EHD4: variants seen among roughly 807,000 people sequenced by gnomAD.
EHD4 encodes the protein EH domain-containing protein 4.
EHD4 carries 37 observed loss-of-function variants against 51.0 expected under a neutral mutation model. The ratio of observed to expected loss-of-function variants is 0.73; its 90% CI spans 0.56 to 0.95. The LOEUF (loss-of-function observed/expected upper bound fraction) is 0.95, where lower values mean the gene tolerates loss of function less well. Ranked by LOEUF, EHD4 falls within the 40% of genes least tolerant of loss-of-function variation. EHD4 has a pLI of 0.00. For missense variants in EHD4, 632 were observed against 733.1 expected (o/e 0.86, Z 1.59); for synonymous variants, 297 against 317.3 (o/e 0.94, Z 0.68).
intron 2 of EHD4, among the ~76,000 whole-genome samples, chr15:41,952,573 C>T (rs1191022459): frequency 1.3e-5 from 2 of 152,120 alleles, no homozygotes; most frequent in Admixed American, 6.5e-5. Flanking sequence ...CCTGTCTTCC[C>T]CAGGCCAGCA....
At chr15:41,966,623 G>T (rs373061566) in intron 1 of EHD4, among the ~76,000 whole-genome samples, 72 of 152,038 alleles carry the variant, frequency 4.7e-4, no homozygotes, top group African/African-American at 1.6e-3. Flanking sequence ...GGAGGTGGCC[G>T]CCTGCCCACC....
intron 1 of EHD4, among the ~76,000 whole-genome samples, 192 bp from the exon 2 acceptor site, chr15:41,954,132 G>C (rs77469137): frequency 0.026 from 3,884 of 152,286 alleles, 96 homozygotes; most frequent in South Asian, 0.078. Flanking sequence ...AGTGTACCGT[G>C]CTGGCTCCTG....
At chr15:41,928,279 A>G (rs1384639630) in intron 3 of EHD4, 1 of 152,240 alleles carries the variant, frequency 6.6e-6, no homozygotes, top group Admixed American at 6.5e-5. Context: ...TGTGAGCTCC[A>G]TATCACTACA....
At chr15:41,962,014 AT>A (rs1209195760) in intron 1 of EHD4, among the ~76,000 whole-genome samples, 3 of 152,226 alleles carry the variant, frequency 2.0e-5, no homozygotes, top group East Asian at 3.9e-4. Context: ...GCCAAAAAAA[AT>A]AAGAGAAATA....
intron 5 of EHD4, among the ~76,000 whole-genome samples, chr15:41,907,870 G>GTGTGTGTGTA (rs1271170037): frequency 4.6e-5 from 5 of 107,694 alleles, no homozygotes; most frequent in Non-Finnish European, 9.9e-5. Context: ...GTGTGTGTGT[G>GTGTGTGTGTA]TATATATTTA....
chr15:41,901,093 A>T lies in EHD4; in HGVS notation c.1178T>A (p.Ile393Asn). ...EAVDNMLSNK[I>N]SPLMNLISQE... ...GCTGATGAGGTTCATGAGGGGCGAGATCTTGTTGCTCAGCATGTTGTCCAC... is the reference window on the plus strand; with the variant it reads ...GCTGATGAGGTTCATGAGGGGCGAGTTCTTGTTGCTCAGCATGTTGTCCAC... The change falls in exon 6 of 6, where the codon ATC (isoleucine) becomes AAC (asparagine). Residue 393 changes from isoleucine (I) to asparagine (N), a missense_variant. Transcript: ENST00000220325. 1 of 1,612,174 alleles carries T rather than the reference A, an allele frequency of 6.2e-7. No homozygotes were observed.
At chr15:41,914,944 C>T in intron 4 of EHD4, among the ~76,000 whole-genome samples, 1 of 152,062 alleles carries the variant, frequency 6.6e-6, no homozygotes, top group Admixed American at 6.6e-5. Flanking sequence ...CACCTCCACG[C>T]CCAGCTAATT....
intron 4 of EHD4, among the ~76,000 whole-genome samples, chr15:41,918,480 A>G (rs2067600683): frequency 6.6e-6 from 1 of 152,182 alleles, no homozygotes; most frequent in Non-Finnish European, 1.5e-5. Flanking sequence ...TTTCTCTTGG[A>G]GGAGGGATAT....
chr15:41,932,321 G>A (rs2067704599), intron 3 of EHD4, among the ~76,000 whole-genome samples: 1 of 152,236 alleles, frequency 6.6e-6, no homozygotes, highest in African/African-American at 2.4e-5. Flanking sequence ...GCTGGGAGAA[G>A]CCCCAGGGTC....
chr15:41,936,996 C>A (rs1265521261), intron 3 of EHD4, among the ~76,000 whole-genome samples: 1 of 152,222 alleles, frequency 6.6e-6, no homozygotes, highest in African/African-American at 2.4e-5. Flanking sequence ...CAGGGCTGGG[C>A]CCCAGCCTCC....
chr15:41,909,875 T>C lies in EHD4; in HGVS notation c.925-12A>G, dbSNP rs772618529. On this transcript the variant is annotated splice_polypyrimidine_tract_variant and intron_variant, in intron 4 of 5. Transcript: ENST00000220325. ...ATGTAGGCATGCACCTGGAGGGGTA[T>C]AGATCAGGCAGGGAAGTGTCATTTA... The C allele has an allele frequency of 6.2e-6, 10 of 1,613,980 alleles. No individual in the cohort carries two copies. Among genetic ancestry groups the C allele is most frequent in the South Asian group, 2.2e-5 (2 of 91,062 alleles).
At chr15:41,940,819 A>G (rs2067764908) in intron 3 of EHD4, among the ~76,000 whole-genome samples, 1 of 152,238 alleles carries the variant, frequency 6.6e-6, no homozygotes, top group Non-Finnish European at 1.5e-5. Context: ...TTTGAAAGAC[A>G]CGATTACTAA....
In EHD4 at chr15:41,958,651, T is replaced by A. The variant is rs182346155; in HGVS notation, c.237-4711A>T. On this transcript the variant is annotated intron_variant, in intron 1 of 5. Transcript: ENST00000220325. ...AGCACCATCTTCTCAACGATGAGCT[T>A]AAGAATGAATAAAAACCAAACAAAT... Among the ~76,000 whole-genome samples the A allele has an allele frequency of 2.4e-4, 36 of 152,266 alleles. 1 individual carries two copies. The highest frequency in any genetic ancestry group is 1.7e-3 in the East Asian group (9 of 5,168).
intron 4 of EHD4, among the ~76,000 whole-genome samples, chr15:41,913,285 G>T (rs17686769): frequency 6.6e-6 from 1 of 152,102 alleles, no homozygotes; most frequent in Non-Finnish European, 1.5e-5. Flanking sequence ...TGTGTCAAAG[G>T]TGTCTCCAAA....
intron 1 of EHD4, among the ~76,000 whole-genome samples, chr15:41,971,906 C>G (rs1338561415): frequency 1.3e-5 from 2 of 152,264 alleles, no homozygotes; most frequent in Non-Finnish European, 2.9e-5. Context: ...GCCTCTCCCC[C>G]CATTTCCATC....
At position 41,907,309 on chromosome 15, in the gene EHD4, G is replaced by T. The variant is rs563064285; in HGVS notation, c.1089+2390C>A. Among the ~76,000 whole-genome samples, 7 of 152,298 alleles carry T rather than the reference G, an allele frequency of 4.6e-5. No individual in the cohort carries two copies. In the South Asian group the frequency reaches 1.4e-3, roughly 32 times the overall value. On this transcript the variant is annotated intron_variant, in intron 5 of 5. Transcript: ENST00000220325. ...CAAGTTCCCTTCTGAAATATCTGAA[G>T]GGTACAAGGAAACAGCTGTCTTACT...
intron 1 of EHD4, among the ~76,000 whole-genome samples, chr15:41,954,202 G>A (rs2067871582): frequency 1.3e-5 from 2 of 152,172 alleles, no homozygotes; most frequent in Admixed American, 1.3e-4. Context: ...TGACCTGCAT[G>A]TGGGGACACC....
chr15:41,950,430 A>G (rs538791962), intron 2 of EHD4, among the ~76,000 whole-genome samples: 15 of 152,356 alleles, frequency 9.8e-5, no homozygotes, highest in African/African-American at 3.1e-4. Context: ...GAAAACAAGC[A>G]ATTTTCTTTA....
intron 1 of EHD4, among the ~76,000 whole-genome samples, chr15:41,955,458 C>T (rs530131509): frequency 2.0e-5 from 3 of 152,128 alleles, no homozygotes; most frequent in East Asian, 1.9e-4. Flanking sequence ...GCATGAGGGA[C>T]GAGGACCCCC....
Sources: gnomAD v4.1 joint callset for allele counts (sites outside exome capture counted in the v4.1 genomes callset) on GRCh38, gnomAD v4.1.1 for gene constraint, MANE v1.5 for transcripts, NCBI Gene and HGNC (gene_info 2026-07-23, HGNC 2026-07-21) for gene names.